Variants in ADAMTS3 observed in about 807,000 individuals in gnomAD.
ADAMTS3 encodes ADAM metallopeptidase with thrombospondin type 1 motif 3, also known as A disintegrin and metalloproteinase with thrombospondin motifs 3.
A neutral mutation model predicts 129.0 loss-of-function variants in ADAMTS3; 73 were observed. The ratio of observed to expected loss-of-function variants is 0.57; its 90% confidence interval spans 0.47 to 0.69. The LOEUF (loss-of-function observed/expected upper bound fraction) is 0.69. Ranked by LOEUF, ADAMTS3 falls within the 30% of genes least tolerant of loss-of-function variation. The pLI is 0.00. For missense variants in ADAMTS3, 1,457 were observed against 1,514.5 expected, an observed-to-expected ratio of 0.96 and a Z score of 0.63; for synonymous variants, 477 against 510.8, an observed-to-expected ratio of 0.93 and a Z score of 0.89.
chr4:72,430,111 A>G (rs958374106), intron 3 of ADAMTS3, among the ~76,000 whole-genome samples: 1 of 152,070 alleles, frequency 6.6e-6, no homozygotes, highest in African/African-American at 2.4e-5. Context: ...TGTATTTTCC[A>G]AAGATGGCCA....
intron 5 of ADAMTS3, among the ~76,000 whole-genome samples, chr4:72,334,218 G>A (rs1026425886): frequency 1.3e-5 from 2 of 152,034 alleles, no homozygotes; most frequent in Admixed American, 1.3e-4. Context: ...AAAACTGTCA[G>A]TTCCTTGCAT....
At chr4:72,525,179 G>A (rs1227247824) in intron 3 of ADAMTS3, among the ~76,000 whole-genome samples, 3 of 152,162 alleles carry the variant, frequency 2.0e-5, no homozygotes, top group African/African-American at 7.2e-5. Flanking sequence ...ATCACACTGG[G>A]AAGAGAAACT....
At chr4:72,398,348 G>A (rs541514489) in intron 4 of ADAMTS3, among the ~76,000 whole-genome samples, 2 of 152,246 alleles carry the variant, frequency 1.3e-5, no homozygotes, top group East Asian at 3.9e-4. Context: ...CCTGAGGTCA[G>A]GAGGTCAAGA....
intron 3 of ADAMTS3, among the ~76,000 whole-genome samples, chr4:72,444,182 C>G (rs572811429): frequency 6.6e-6 from 1 of 151,614 alleles, no homozygotes. Flanking sequence ...CATAAAAATG[C>G]ACAGACAGTT....
At chr4:72,324,495 G>A (rs992663092) in intron 5 of ADAMTS3, among the ~76,000 whole-genome samples, 1 of 152,102 alleles carries the variant, frequency 6.6e-6, no homozygotes, top group Non-Finnish European at 1.5e-5. Context: ...AGATAACAAA[G>A]TATAACTTGA....
chr4:72,410,336 G>A (rs188522035), intron 4 of ADAMTS3, among the ~76,000 whole-genome samples: 3 of 152,118 alleles, frequency 2.0e-5, no homozygotes, highest in South Asian at 2.1e-4. Flanking sequence ...ACAAAAACAC[G>A]CCTTCACAGC....
chr4:72,402,815 A>G (rs2109910991), intron 4 of ADAMTS3, among the ~76,000 whole-genome samples: 1 of 152,288 alleles, frequency 6.6e-6, no homozygotes, highest in Non-Finnish European at 1.5e-5. Context: ...TCCTTTGGCT[A>G]TAAAACATCT....
chr4:72,451,923 C>T (rs1578691207), intron 3 of ADAMTS3, among the ~76,000 whole-genome samples: 1 of 151,394 alleles, frequency 6.6e-6, no homozygotes, highest in Admixed American at 6.6e-5. Flanking sequence ...ATAATGAGAC[C>T]CCCTTCTCTA....
At chr4:72,562,154 C>T (rs773791818) in intron 2 of ADAMTS3, among the ~76,000 whole-genome samples, 62 of 151,956 alleles carry the variant, frequency 4.1e-4, no homozygotes, top group Middle Eastern at 3.2e-3. Context: ...AGAAAAATTA[C>T]GAATTCGCTG....
intron 3 of ADAMTS3, among the ~76,000 whole-genome samples, chr4:72,531,587 A>G (rs1383806991): frequency 6.6e-6 from 1 of 152,172 alleles, no homozygotes; most frequent in East Asian, 1.9e-4. Context: ...ATGGGAGCCC[A>G]AGAAGAGTGA....
chr4:72,435,841 C>T (rs777949313), intron 3 of ADAMTS3, among the ~76,000 whole-genome samples: 2 of 151,938 alleles, frequency 1.3e-5, no homozygotes, highest in African/African-American at 4.8e-5. Context: ...TACACCTATA[C>T]AAAAATTAAT....
intron 3 of ADAMTS3, among the ~76,000 whole-genome samples, chr4:72,488,806 G>T (rs1444425728): frequency 6.6e-6 from 1 of 151,456 alleles, no homozygotes; most frequent in African/African-American, 2.4e-5. Flanking sequence ...GAACACCTAG[G>T]ATCTACCCTC....
At chr4:72,422,432 A>AT (rs1026704521) in intron 3 of ADAMTS3, among the ~76,000 whole-genome samples, 6 of 152,006 alleles carry the variant, frequency 3.9e-5, no homozygotes, top group South Asian at 2.1e-4. Context: ...TTTAACACTA[A>AT]TTTTTTTTAA....
At chr4:72,467,570 T>G (rs545275121) in intron 3 of ADAMTS3, among the ~76,000 whole-genome samples, 1 of 152,168 alleles carries the variant, frequency 6.6e-6, no homozygotes, top group South Asian at 2.1e-4. Context: ...AAAAGTCTAC[T>G]GTCCTATTCC....
intron 3 of ADAMTS3, among the ~76,000 whole-genome samples, chr4:72,415,667 C>T (rs1274897240): frequency 1.3e-5 from 2 of 152,008 alleles, no homozygotes; most frequent in East Asian, 3.9e-4. Context: ...GCTTTCAATT[C>T]CTTCCATCTC....
In ADAMTS3 at chr4:72,553,949, G is replaced by C. The variant is rs912217520; in HGVS notation, c.98-5065C>G. ...GTTCAGAAGCTAGGCAGTCAAGAAG[G>C]GTATTTTTTATTCAGGATCTCCTCA... On this transcript the variant is annotated intron_variant, in intron 2 of 21. Transcript: ENST00000286657. 2.0e-5 allele frequency among the ~76,000 whole-genome samples: 3 copies of C among 151,954 alleles called. No individual in the cohort carries two copies. The South Asian group carries it at 6.3e-4, about 32-fold the overall frequency.
intron 3 of ADAMTS3, among the ~76,000 whole-genome samples, chr4:72,505,521 G>A (rs574762257): frequency 6.6e-6 from 1 of 152,312 alleles, no homozygotes; most frequent in Admixed American, 6.5e-5. Context: ...CTGACTCCTG[G>A]AAAGCACAGC....
At chr4:72,474,338 G>A (rs1219100434) in intron 3 of ADAMTS3, among the ~76,000 whole-genome samples, 5 of 151,750 alleles carry the variant, frequency 3.3e-5, no homozygotes, top group South Asian at 2.1e-4. Context: ...AAATGAAAAC[G>A]GAGAAAAAAC....
In ADAMTS3 at chr4:72,385,501, A is replaced by G. The variant is rs548814689; in HGVS notation, c.661+29314T>C. Reference sequence around the variant, plus strand: ...CCTACCTCCAACCATATCAATAATTACATTAAGTGAAATGCTCCCTCCAAA... The same window carrying G: ...CCTACCTCCAACCATATCAATAATTGCATTAAGTGAAATGCTCCCTCCAAA... On this transcript the variant is annotated intron_variant, in intron 4 of 21. Coordinates refer to ENST00000286657, the MANE Select transcript of ADAMTS3 (RefSeq NM_014243.3). Among the ~76,000 whole-genome samples the G allele has an allele frequency of 2.6e-5, 4 of 152,296 alleles. No homozygotes were observed. The East Asian group carries it at 7.7e-4, about 29-fold the overall frequency.
Sources: gnomAD v4.1 joint callset for allele counts (sites outside exome capture counted in the v4.1 genomes callset) on GRCh38, gnomAD v4.1.1 for gene constraint, MANE v1.5 for transcripts, NCBI Gene and HGNC (gene_info 2026-07-23, HGNC 2026-07-21) for gene names.